ST3GAL1: variants seen among roughly 807,000 people sequenced by gnomAD.
ST3GAL1 encodes ST3 beta-galactoside alpha-2,3-sialyltransferase 1, also known as CMP-N-acetylneuraminate-beta-galactosamide-alpha-2,3-sialyltransferase 1.
ST3GAL1 carries 16 observed loss-of-function variants against 34.1 expected under a neutral mutation model. The ratio of observed to expected loss-of-function variants is 0.47; its 90% CI spans 0.32 to 0.71. ST3GAL1 has a LOEUF of 0.71. Among genes scored for constraint, ST3GAL1 ranks in the 30% least tolerant of loss-of-function variants. The pLI, the probability that ST3GAL1 is intolerant of heterozygous loss-of-function variation, is 0.04. For missense variants in ST3GAL1, 353 were observed against 447.4 expected (o/e 0.79, Z 1.90); for synonymous variants, 191 against 184.7 (o/e 1.03, Z -0.28).
Position 133,459,926 on chromosome 8 carries a change from G to A in ST3GAL1, c.861C>T (p.Tyr287=), listed in dbSNP as rs199973373. The change falls in exon 10 of 10, where the codon TAC becomes TAT. Residue 287 remains tyrosine, a synonymous_variant. Coordinates refer to ENST00000522652, the MANE Select transcript of ST3GAL1 (RefSeq NM_173344.3). The surrounding 1 kb of genome is among the most constrained non-coding windows in gnomAD (Gnocchi z 4.7). ...SMHVCDEVDL[Y]GFGADSKGNW... is the part of the protein sequence containing the mutation. ...TCCCTTTGCTGTCTGCCCCGAAGCCGTACAAGTCCACCTGTGGGAGCAAAG... is the reference window on the plus strand; with the variant it reads ...TCCCTTTGCTGTCTGCCCCGAAGCCATACAAGTCCACCTGTGGGAGCAAAG... 1.2e-4 allele frequency: 193 copies of A among 1,611,508 alleles called. No homozygotes were observed. The East Asian group carries it at 1.9e-3, about 15-fold the overall frequency.
intron 1 of ST3GAL1, among the ~76,000 whole-genome samples, chr8:133,561,013 T>C (rs928542965): frequency 3.9e-5 from 6 of 151,940 alleles, no homozygotes; most frequent in Non-Finnish European, 5.9e-5. Context: ...GCCTGTCACG[T>C]AGAGTGCACA....
intron 3 of ST3GAL1, among the ~76,000 whole-genome samples, chr8:133,489,242 C>T (rs2130973358): frequency 6.6e-6 from 1 of 152,268 alleles, no homozygotes; most frequent in South Asian, 2.1e-4. Context: ...TTTGAATGCA[C>T]CATTTGTGTC....
chr8:133,552,748 A>G (rs1372679718), intron 1 of ST3GAL1, among the ~76,000 whole-genome samples: 1 of 152,210 alleles, frequency 6.6e-6, no homozygotes, highest in African/African-American at 2.4e-5. Flanking sequence ...CTCATAATGA[A>G]GTGCCTTTCT....
chr8:133,555,451 C>T (rs1236745323), intron 1 of ST3GAL1, among the ~76,000 whole-genome samples: 1 of 152,156 alleles, frequency 6.6e-6, no homozygotes, highest in African/African-American at 2.4e-5. Flanking sequence ...CACATTGGAG[C>T]AAACACTCCA....
At chr8:133,487,313 T>C (rs968574882) in intron 3 of ST3GAL1, among the ~76,000 whole-genome samples, 1 of 146,408 alleles carries the variant, frequency 6.8e-6, no homozygotes, top group African/African-American at 2.5e-5. Flanking sequence ...ATATATATAG[T>C]GCTTAGAACA....
chr8:133,558,622 T>C (rs1819127946), intron 1 of ST3GAL1, among the ~76,000 whole-genome samples: 1 of 152,174 alleles, frequency 6.6e-6, no homozygotes, highest in Admixed American at 6.5e-5. Flanking sequence ...CAAGTAATGG[T>C]GACTAAAGTT....
At chr8:133,527,189 AGG>A (rs1269766498) in intron 2 of ST3GAL1, among the ~76,000 whole-genome samples, 1 of 152,180 alleles carries the variant, frequency 6.6e-6, no homozygotes, top group African/African-American at 2.4e-5. Flanking sequence ...AGAGAGAAAG[AGG>A]GGAGAGACTT....
intron 2 of ST3GAL1, among the ~76,000 whole-genome samples, chr8:133,525,876 G>C (rs74527398): frequency 6.7e-6 from 1 of 150,054 alleles, no homozygotes; most frequent in South Asian, 2.1e-4. Context: ...TGCATGACAG[G>C]GGGGCTTCCT....
chr8:133,493,900 T>C (rs914641951), intron 3 of ST3GAL1, among the ~76,000 whole-genome samples: 1 of 150,576 alleles, frequency 6.6e-6, no homozygotes, highest in Non-Finnish European at 1.5e-5. Context: ...TTCTCTTGCC[T>C]CTCTGGGGTT....
intron 2 of ST3GAL1, among the ~76,000 whole-genome samples, chr8:133,517,832 G>T (rs1444502516): frequency 6.6e-6 from 1 of 152,218 alleles, no homozygotes; most frequent in South Asian, 2.1e-4. Flanking sequence ...TTTGAATTAG[G>T]TGCAACAATA....
intron 2 of ST3GAL1, among the ~76,000 whole-genome samples, chr8:133,525,874 A>AG (rs58705195): frequency 1.4e-5 from 2 of 147,216 alleles, no homozygotes; most frequent in Non-Finnish European, 2.9e-5. Flanking sequence ...CCTGCATGAC[A>AG]GGGGGGCTTC....
intron 5 of ST3GAL1, among the ~76,000 whole-genome samples, chr8:133,474,454 T>C (rs575332792): frequency 1.3e-5 from 2 of 152,378 alleles, no homozygotes; most frequent in African/African-American, 4.8e-5. Context: ...CTATTTTGCA[T>C]TTAACATGGG....
intron 2 of ST3GAL1, among the ~76,000 whole-genome samples, chr8:133,523,688 T>G (rs1361421150): frequency 6.6e-6 from 1 of 152,154 alleles, no homozygotes; most frequent in Non-Finnish European, 1.5e-5. Flanking sequence ...GGTACCAGAT[T>G]TATGACCAAT....
At chr8:133,464,726 G>A in intron 7 of ST3GAL1, 52 bp downstream of exon 7, 6 of 1,555,528 alleles carry the variant, frequency 3.9e-6, no homozygotes, top group Non-Finnish European at 5.2e-6. Context: ...GGGGGGACAG[G>A]GTGCCACTGC....
At chr8:133,562,844 T>TCCTTCCTTC (rs1563744699) in intron 1 of ST3GAL1, among the ~76,000 whole-genome samples, 1 of 95,284 alleles carries the variant, frequency 1.0e-5, no homozygotes, top group African/African-American at 3.6e-5. Flanking sequence ...CTTCCTTCCT[T>TCCTTCCTTC]TCTTTCTTTT....
At chr8:133,482,328 C>T (rs542764358) in intron 3 of ST3GAL1, among the ~76,000 whole-genome samples, 1 of 152,250 alleles carries the variant, frequency 6.6e-6, no homozygotes, top group East Asian at 1.9e-4. Flanking sequence ...CTTTTCTTTG[C>T]CTTTCCATGT....
At chr8:133,507,931 T>G (rs1022813475) in intron 2 of ST3GAL1, among the ~76,000 whole-genome samples, 1 of 152,174 alleles carries the variant, frequency 6.6e-6, no homozygotes. Context: ...TATTGGCTGC[T>G]GACAGCTCAC....
At position 133,563,786 on chromosome 8, in the gene ST3GAL1, T is replaced by C. The variant is rs189844269; in HGVS notation, c.-582+7907A>G. On this transcript the variant is annotated intron_variant, in intron 1 of 9. Coordinates refer to ENST00000522652, the MANE Select transcript of ST3GAL1 (RefSeq NM_173344.3). ...GGAGATTTCAGATGTTAATGAGACA[T>C]GTAACATACAAGCAAGCAGGTACAG... is the stretch of plus-strand genomic sequence containing the variant. Among the ~76,000 whole-genome samples, 299 of 152,302 alleles carry C rather than the reference T, an allele frequency of 2.0e-3. 2 individuals are homozygous for C. In the Middle Eastern group the frequency reaches 0.02, roughly 10 times the overall value.
In ST3GAL1 at chr8:133,570,988, C is replaced by T. The variant is rs1378566874; in HGVS notation, c.-582+705G>A. 1.3e-5 allele frequency among the ~76,000 whole-genome samples: 2 copies of T among 152,254 alleles called. No individual in the cohort carries two copies. The highest frequency in any genetic ancestry group is 4.8e-5 in the African/African-American group (2 of 41,468). On this transcript the variant is annotated intron_variant, in intron 1 of 9. Transcript: ENST00000522652. This position sits in a 1 kb window ranked among gnomAD's most constrained non-coding sequence, Gnocchi z 5.6. The stretch of plus-strand genomic sequence containing the variant: ...GACTCCGGCCGTGCTCTCCTTGGCC[C>T]ACCCGCGTCCCCCACTGTCCGCCAC...
Sources: allele counts gnomAD v4.1 joint callset (sites outside exome capture counted in the v4.1 genomes callset), GRCh38; gene constraint gnomAD v4.1.1; non-coding constraint Gnocchi (gnomAD v3.1); transcripts MANE v1.5; gene names NCBI Gene and HGNC (gene_info 2026-07-23, HGNC 2026-07-21).